Variants in TMEM150C observed in about 807,000 individuals in gnomAD.
TMEM150C encodes the protein tentonin 3.
In TMEM150C, 10 loss-of-function variants were observed where a neutral mutation model predicts 29.9. The observed-to-expected ratio is 0.33, with a 90% CI of 0.21 to 0.57. The LOEUF (loss-of-function observed/expected upper bound fraction) is 0.57. Ranked by LOEUF, TMEM150C falls within the 20% of genes least tolerant of loss-of-function variation. TMEM150C has a pLI of 0.88. For synonymous variants in TMEM150C, 101 were observed against 112.5 expected (o/e 0.90, Z 0.64); for missense variants, 251 against 303.6 (o/e 0.83, Z 1.29).
upstream of TMEM150C, chr4:82,562,247 C>T (rs1162049014): frequency 3.9e-6 from 5 of 1,282,606 alleles, no homozygotes; most frequent in Non-Finnish European, 3.0e-6. Context: ...CCTCATCCAA[C>T]AAAAGGAAGG....
intron 1 of TMEM150C, among the ~76,000 whole-genome samples, chr4:82,519,057 A>G (rs1724390232): frequency 1.3e-5 from 2 of 152,212 alleles, no homozygotes; most frequent in Admixed American, 6.5e-5. Flanking sequence ...ACAGTGTCGT[A>G]TGGGGGAGCA....
chr4:82,506,915 G>A (rs778584798), intron 1 of TMEM150C, among the ~76,000 whole-genome samples: 1 of 152,208 alleles, frequency 6.6e-6, no homozygotes, highest in South Asian at 2.1e-4. Flanking sequence ...AATAGGATGA[G>A]TACAGCCAAG....
In TMEM150C at chr4:82,490,679, C is replaced by G. The variant is rs919895061; in HGVS notation, c.364-441G>C. ...CAGTGGCGTGATCACGGCTCCCTGG[C>G]TCAAAGCGATCCTCCCACCTCAGCC... On this transcript the variant is annotated intron_variant, in intron 6 of 7. Coordinates refer to ENST00000449862, the MANE Select transcript of TMEM150C (RefSeq NM_001080506.3). 10 of 319,432 alleles carry G rather than the reference C, an allele frequency of 3.1e-5. No homozygotes were observed. The East Asian group carries it at 7.0e-4, about 22-fold the overall frequency. 19.8% of individuals were successfully genotyped at this position (319,432 alleles called of 1,614,324 possible). A position where few individuals can be genotyped will look rare whatever the true frequency, so the allele number is the denominator to read the frequency against.
At chr4:82,559,392 A>C (rs1237665905) in intron 1 of TMEM150C, among the ~76,000 whole-genome samples, 3 of 146,706 alleles carry the variant, frequency 2.0e-5, no homozygotes, top group Non-Finnish European at 4.5e-5. Flanking sequence ...TAAAAATACA[A>C]AAAAAAAAAA....
chr4:82,499,241 A>G (rs1178330869), intron 5 of TMEM150C, among the ~76,000 whole-genome samples: 1 of 152,220 alleles, frequency 6.6e-6, no homozygotes, highest in Admixed American at 6.5e-5. Context: ...ATCTTTATAT[A>G]TGCTAACTTT....
Position 82,521,079 on chromosome 4 carries a change from C to A in TMEM150C, c.-10-16412G>T, listed in dbSNP as rs528252658. On this transcript the variant is annotated intron_variant, in intron 1 of 7. Transcript: ENST00000449862. ...CCTGTCCCGCCAGAAAGGCACATGGCTGCTCCCTCACCACAAGTCTTGGCA... is the reference window on the plus strand; with the variant it reads ...CCTGTCCCGCCAGAAAGGCACATGGATGCTCCCTCACCACAAGTCTTGGCA... Among the ~76,000 whole-genome samples the A allele has an allele frequency of 9.2e-5, 14 of 152,300 alleles. No individual in the cohort carries two copies. The South Asian group carries it at 2.9e-3, about 32-fold the overall frequency.
chr4:82,546,651 A>G (rs1308223034), intron 1 of TMEM150C, among the ~76,000 whole-genome samples: 1 of 152,024 alleles, frequency 6.6e-6, no homozygotes, highest in African/African-American at 2.4e-5. Context: ...ACACAGTGAA[A>G]CCCCGTCTCT....
intron 6 of TMEM150C, chr4:82,491,512 C>A: frequency 1.5e-6 from 1 of 672,948 alleles, no homozygotes; most frequent in Admixed American, 2.2e-5. Context: ...ATGTCCTGTC[C>A]AATGCCAAAA....
chr4:82,551,723 A>G (rs1211779754), intron 1 of TMEM150C, among the ~76,000 whole-genome samples: 1 of 152,030 alleles, frequency 6.6e-6, no homozygotes, highest in East Asian at 1.9e-4. Flanking sequence ...GCTGCCCCTC[A>G]TGTTCTTATG....
chr4:82,489,486 A>G (rs1158808334), intron 7 of TMEM150C, among the ~76,000 whole-genome samples: 1 of 152,112 alleles, frequency 6.6e-6, no homozygotes, highest in Non-Finnish European at 1.5e-5. Flanking sequence ...CCTAGCATCT[A>G]TTCTCAATTG....
rs139760955 is a variant in TMEM150C at position 82,539,385 on chromosome 4, G to A, written c.-11+22521C>T. On this transcript the variant is annotated intron_variant, in intron 1 of 7. Transcript: ENST00000449862. Reference sequence around the variant, plus strand: ...TATTATCTGCAACAGCAAGACCAGAGAATTGATTAAAATATTATTGGAATT... The same window carrying A: ...TATTATCTGCAACAGCAAGACCAGAAAATTGATTAAAATATTATTGGAATT... Among the ~76,000 whole-genome samples the A allele has an allele frequency of 7.0e-4, 107 of 152,090 alleles. 1 individual carries two copies. In the East Asian group the frequency reaches 0.02, roughly 28 times the overall value.
At chr4:82,554,994 A>G (rs951727447) in intron 1 of TMEM150C, among the ~76,000 whole-genome samples, 2 of 152,230 alleles carry the variant, frequency 1.3e-5, no homozygotes, top group East Asian at 3.8e-4. Flanking sequence ...AGTAAGCATG[A>G]TGGCAAGCTG....
intron 1 of TMEM150C, among the ~76,000 whole-genome samples, chr4:82,524,337 A>G (rs893752598): frequency 6.6e-6 from 1 of 151,712 alleles, no homozygotes; most frequent in African/African-American, 2.4e-5. Flanking sequence ...TTTTGTGTTG[A>G]AAAAAAAATC....
At chr4:82,494,224 T>C (rs1723464574) in intron 6 of TMEM150C, among the ~76,000 whole-genome samples, 1 of 152,070 alleles carries the variant, frequency 6.6e-6, no homozygotes, top group African/African-American at 2.4e-5. Flanking sequence ...GGTTGGAGGT[T>C]GGTGGGGAGG....
chr4:82,487,006 A>C (rs1009646336), intron 7 of TMEM150C, among the ~76,000 whole-genome samples: 3 of 152,320 alleles, frequency 2.0e-5, no homozygotes, highest in African/African-American at 7.2e-5. Flanking sequence ...GAAATCGGGA[A>C]ATTTTCAGAG....
intron 1 of TMEM150C, among the ~76,000 whole-genome samples, chr4:82,526,693 C>T (rs1560492196): frequency 1.3e-5 from 2 of 152,266 alleles, no homozygotes; most frequent in South Asian, 2.1e-4. Context: ...TACAACTAAA[C>T]TTTATTATGC....
At chr4:82,545,654 G>A (rs1725354826) in intron 1 of TMEM150C, among the ~76,000 whole-genome samples, 1 of 152,174 alleles carries the variant, frequency 6.6e-6, no homozygotes, top group South Asian at 2.1e-4. Flanking sequence ...ACTTGGCCAG[G>A]TACAGTGGCT....
intron 1 of TMEM150C, among the ~76,000 whole-genome samples, chr4:82,553,135 A>G (rs1725635926): frequency 6.6e-6 from 1 of 152,230 alleles, no homozygotes; most frequent in South Asian, 2.1e-4. Context: ...TTCAGTGTTC[A>G]TGTAGAGGCA....
chr4:82,527,864 C>T (rs1366646729), intron 1 of TMEM150C, among the ~76,000 whole-genome samples: 2 of 152,254 alleles, frequency 1.3e-5, no homozygotes, highest in Non-Finnish European at 2.9e-5. Context: ...CCAATGAAAA[C>T]ATTACCTTTC....
Sources: allele counts gnomAD v4.1 joint callset (sites outside exome capture counted in the v4.1 genomes callset), GRCh38; gene constraint gnomAD v4.1.1; transcripts MANE v1.5; gene names NCBI Gene and HGNC (gene_info 2026-07-23, HGNC 2026-07-21).